The following CDC42BPB variants were observed in gnomAD, a reference collection of about 807,000 sequenced individuals.
CDC42BPB encodes the protein CDC42 binding protein kinase beta, also known as serine/threonine-protein kinase MRCK beta.
In CDC42BPB, 37 loss-of-function variants were observed where a neutral mutation model predicts 214.9. That is an observed-to-expected ratio of 0.17 (90% confidence interval 0.13 to 0.23). The LOEUF is 0.23. Among genes scored for constraint, CDC42BPB ranks in the 10% least tolerant of loss-of-function variants. The pLI, the probability that CDC42BPB is intolerant of heterozygous loss-of-function variation, is 1.00. For missense variants in CDC42BPB, 1,694 were observed against 2,227.0 expected (o/e 0.76, Z 4.82); for synonymous variants, 931 against 884.0 (o/e 1.05, Z -0.94).
chr14:103,042,590 G>T (rs1447820398), intron 1 of CDC42BPB, among the ~76,000 whole-genome samples: 4 of 152,180 alleles, frequency 2.6e-5, no homozygotes, highest in African/African-American at 9.7e-5. Context: ...GATTACAGGC[G>T]TGAGCCACTA....
intron 5 of CDC42BPB, among the ~76,000 whole-genome samples, chr14:102,997,704 C>T (rs1894804717): frequency 6.6e-6 from 1 of 152,204 alleles, no homozygotes; most frequent in Non-Finnish European, 1.5e-5. Context: ...AAAAGCAAGG[C>T]AATTATCAAC....
intron 1 of CDC42BPB, among the ~76,000 whole-genome samples, chr14:103,047,576 C>G (rs547820678): frequency 6.6e-6 from 1 of 152,096 alleles, no homozygotes; most frequent in African/African-American, 2.4e-5. Flanking sequence ...GAATTCTGTA[C>G]GCAGGCAAAG....
At chr14:102,942,706 G>A (rs1290043715) in intron 30 of CDC42BPB, among the ~76,000 whole-genome samples, 1 of 152,060 alleles carries the variant, frequency 6.6e-6, no homozygotes, top group African/African-American at 2.4e-5. Context: ...CACCGTGCCT[G>A]GCTAGTTTGT....
intron 34 of CDC42BPB, chr14:102,938,724 G>A (rs1395018513): frequency 9.5e-6 from 2 of 210,682 alleles, no homozygotes; most frequent in Non-Finnish European, 8.2e-6. Context: ...TGCCTCCTGG[G>A]TTCAAGCAAT....
chr14:103,014,038 C>T (rs377059285), intron 1 of CDC42BPB, among the ~76,000 whole-genome samples: 17 of 152,218 alleles, frequency 1.1e-4, no homozygotes, highest in African/African-American at 3.4e-4. Flanking sequence ...TGGTGGCGGG[C>T]GCCTGCGGTC....
At chr14:103,043,598 T>C (rs1888129375) in intron 1 of CDC42BPB, among the ~76,000 whole-genome samples, 1 of 151,908 alleles carries the variant, frequency 6.6e-6, no homozygotes, top group African/African-American at 2.4e-5. Context: ...ACTCGACGAA[T>C]ATACTAAAAC....
Position 102,976,405 on chromosome 14 carries a change from T to C in CDC42BPB, c.1221-356A>G, listed in dbSNP as rs566218110. On this transcript the variant is annotated intron_variant, in intron 9 of 36. Coordinates refer to ENST00000361246, the MANE Select transcript of CDC42BPB (RefSeq NM_006035.4). Reference sequence around the variant, plus strand: ...CTCGTCTGCAGGTCAGCGGTACGCATGGACCACTGAAAGCTTCCTGGTTTG... The same window carrying C: ...CTCGTCTGCAGGTCAGCGGTACGCACGGACCACTGAAAGCTTCCTGGTTTG... Among the ~76,000 whole-genome samples the C allele has an allele frequency of 2.6e-5, 4 of 152,368 alleles. No individual in the cohort carries two copies. In the East Asian group the frequency reaches 5.8e-4, roughly 22 times the overall value.
chr14:103,040,224 G>A lies in CDC42BPB; in HGVS notation c.175+16775C>T, dbSNP rs898096049. 6.6e-5 allele frequency among the ~76,000 whole-genome samples: 10 copies of A among 151,984 alleles called. 1 individual carries two copies. Among genetic ancestry groups the A allele is most frequent in the Admixed American group, 2.6e-4 (4 of 15,282 alleles). ...ACAAACATTAGCCAGGCGTCGTGGC[G>A]GGTGCCTGCAATCCCAGCTACTCGG... On this transcript the variant is annotated intron_variant, in intron 1 of 36. Transcript: ENST00000361246.
At chr14:102,997,365 T>C (rs1423380871) in intron 5 of CDC42BPB, among the ~76,000 whole-genome samples, 1 of 152,028 alleles carries the variant, frequency 6.6e-6, no homozygotes, top group African/African-American at 2.4e-5. Context: ...AAAAACTCTC[T>C]CATATACCCC....
At chr14:103,031,090 T>TA (rs572133133) in intron 1 of CDC42BPB, among the ~76,000 whole-genome samples, 8 of 151,652 alleles carry the variant, frequency 5.3e-5, no homozygotes, top group Admixed American at 1.3e-4. Context: ...TTTTTTTAAT[T>TA]AAAAAAAATA....
intron 1 of CDC42BPB, among the ~76,000 whole-genome samples, chr14:103,042,406 G>C (rs549722082): frequency 7.9e-5 from 12 of 152,222 alleles, no homozygotes; most frequent in African/African-American, 2.9e-4. Flanking sequence ...CGCCTCCCGG[G>C]TTCACGCCGT....
At chr14:102,989,694 G>A (rs1252650165) in intron 5 of CDC42BPB, among the ~76,000 whole-genome samples, 1 of 152,066 alleles carries the variant, frequency 6.6e-6, no homozygotes, top group East Asian at 1.9e-4. Flanking sequence ...CCAACATGGA[G>A]TACCCTGTCT....
At chr14:102,938,211 G>A (rs758045182) in intron 35 of CDC42BPB, 37 bp from the exon 36 acceptor site, 2 of 1,608,878 alleles carry the variant, frequency 1.2e-6, no homozygotes, top group South Asian at 1.1e-5. Context: ...TAGGGAGAAA[G>A]TCAAGAACGG....
chr14:102,976,157 A>C, intron 9 of CDC42BPB, 108 bp from the exon 10 acceptor site: 1 of 1,507,782 alleles, frequency 6.6e-7, no homozygotes, highest in Non-Finnish European at 8.8e-7. Context: ...TCAGCAAACA[A>C]AAACACCTGA....
chr14:103,038,801 A>G (rs1887820636), intron 1 of CDC42BPB, among the ~76,000 whole-genome samples: 1 of 151,442 alleles, frequency 6.6e-6, no homozygotes, highest in Non-Finnish European at 1.5e-5. Flanking sequence ...AGCCTCCCAA[A>G]GTACTGGGAT....
intron 36 of CDC42BPB, among the ~76,000 whole-genome samples, chr14:102,935,204 G>A (rs1012070088): frequency 2.6e-5 from 4 of 152,008 alleles, no homozygotes; most frequent in Non-Finnish European, 4.4e-5. Context: ...GATTATACAC[G>A]TAGAAAATCC....
chr14:103,019,409 T>C (rs994287541), intron 1 of CDC42BPB, among the ~76,000 whole-genome samples: 79 of 152,218 alleles, frequency 5.2e-4, no homozygotes, highest in Non-Finnish European at 1.0e-3. Context: ...CACCTGGGCA[T>C]CATCTCAGAC....
chr14:103,053,711 G>A lies in CDC42BPB; in HGVS notation c.175+3288C>T, dbSNP rs778596870. 7.1e-3 allele frequency among the ~76,000 whole-genome samples: 1,022 copies of A among 143,904 alleles called. 6 individuals are homozygous for A. The highest frequency in any genetic ancestry group is 0.017 in the Middle Eastern group (4 of 240). The allele number at this position is 143,904 out of a possible 152,430, so 94.4% of individuals were successfully genotyped here. On this transcript the variant is annotated intron_variant, in intron 1 of 36. Coordinates refer to ENST00000361246, the MANE Select transcript of CDC42BPB (RefSeq NM_006035.4). ...CGGGAGGCAGAGCTTGCAGTGAGCC[G>A]AGATCCCGCCACTGCACTCCAGCCT...
In CDC42BPB at chr14:102,932,446, A is replaced by ATAAT. The variant is rs1458626769; in HGVS notation, c.*1262_*1265dup. 6.6e-6 allele frequency: 1 copy of ATAAT among 152,378 alleles called. No individual in the cohort carries two copies. The highest frequency in any genetic ancestry group is 2.4e-5 in the African/African-American group (1 of 41,442). 9.4% of individuals were successfully genotyped at this position (152,378 alleles called of 1,614,324 possible). A position where few individuals can be genotyped will look rare whatever the true frequency, so the allele number is the denominator to read the frequency against. On this transcript the variant is annotated 3_prime_UTR_variant, in exon 37 of 37. Transcript: ENST00000361246. Reference sequence around the variant, plus strand: ...TGTTCAAAAATGTTCTCACAATTCAATAATTAATTACAAAGACTGAGACTT... The same window carrying ATAAT: ...TGTTCAAAAATGTTCTCACAATTCAATAATTAATTAATTACAAAGACTGAGACTT...
Sources: gnomAD v4.1 joint callset for allele counts (sites outside exome capture counted in the v4.1 genomes callset) on GRCh38, gnomAD v4.1.1 for gene constraint, MANE v1.5 for transcripts, NCBI Gene and HGNC (gene_info 2026-07-23, HGNC 2026-07-21) for gene names.